Variants in C7orf78 observed in about 807,000 individuals in gnomAD.
C7orf78 encodes the protein chromosome 7 open reading frame 78, also known as putative uncharacterized protein C7orf78.
chr7:12,508,126 C>A, the C7orf78 span, among the ~76,000 whole-genome samples: 1 of 152,130 alleles, frequency 6.6e-6, no homozygotes, highest in South Asian at 2.1e-4. Context: ...ACTGAGAATT[C>A]TAAGTATAAA....
the C7orf78 span, among the ~76,000 whole-genome samples, chr7:12,540,593 C>A: frequency 6.6e-6 from 1 of 152,300 alleles, no homozygotes; most frequent in African/African-American, 2.4e-5. Context: ...TTCAAGATGG[C>A]ACTCCAAAAC....
chr7:12,513,226 C>G, the C7orf78 span, among the ~76,000 whole-genome samples: 2 of 146,722 alleles, frequency 1.4e-5, no homozygotes, highest in African/African-American at 5.0e-5. Flanking sequence ...CTGTCTTTCT[C>G]TCTTTCTTTC....
At chr7:12,518,098 C>T in the C7orf78 span, among the ~76,000 whole-genome samples, 1 of 152,136 alleles carries the variant, frequency 6.6e-6, no homozygotes, top group East Asian at 1.9e-4. Flanking sequence ...TGAATGTGTG[C>T]AGTAGTGTAG....
the C7orf78 span, chr7:12,491,736 A>G: frequency 6.6e-6 from 1 of 152,220 alleles, no homozygotes; most frequent in Admixed American, 6.5e-5. Context: ...CGGATGCAAC[A>G]TGGATCTCAT....
chr7:12,506,120 A>C, the C7orf78 span: 1 of 152,378 alleles, frequency 6.6e-6, no homozygotes, highest in Non-Finnish European at 1.5e-5. Context: ...TAGAATGGCG[A>C]TCATTAAAAA....
the C7orf78 span, among the ~76,000 whole-genome samples, chr7:12,521,673 A>T: frequency 0.017 from 1,161 of 69,982 alleles, 15 homozygotes; most frequent in African/African-American, 0.062. Context: ...CTTAGCTTTC[A>T]TTTTTTATTT....
chr7:12,513,222 T>C, the C7orf78 span, among the ~76,000 whole-genome samples: 1 of 151,834 alleles, frequency 6.6e-6, no homozygotes, highest in Non-Finnish European at 1.5e-5. Flanking sequence ...TCTTCTGTCT[T>C]TCTCTCTTTC....
At chr7:12,507,990 T>C in the C7orf78 span, among the ~76,000 whole-genome samples, 1 of 152,206 alleles carries the variant, frequency 6.6e-6, no homozygotes, top group Non-Finnish European at 1.5e-5. Context: ...CTCTCTTCTT[T>C]TATCAAAAGT....
the C7orf78 span, among the ~76,000 whole-genome samples, chr7:12,517,183 C>T: frequency 1.3e-5 from 2 of 152,074 alleles, no homozygotes; most frequent in Non-Finnish European, 2.9e-5. Context: ...TTCCCCGATA[C>T]TGTTTTTGTG....
At chr7:12,513,538 C>T in the C7orf78 span, among the ~76,000 whole-genome samples, 1 of 152,064 alleles carries the variant, frequency 6.6e-6, no homozygotes, top group African/African-American at 2.4e-5. Flanking sequence ...TGTTTAGTTT[C>T]CATGTATTTG....
chr7:12,513,727 G>A, the C7orf78 span, among the ~76,000 whole-genome samples: 762 of 152,302 alleles, frequency 5.0e-3, 4 homozygotes, highest in Middle Eastern at 0.014. Context: ...TGGGCCGGGC[G>A]CGGTGGCTCA....
chr7:12,516,569 G>C, the C7orf78 span, among the ~76,000 whole-genome samples: 1 of 152,176 alleles, frequency 6.6e-6, no homozygotes, highest in East Asian at 1.9e-4. Context: ...CTGACAGCTT[G>C]CACCATGTGC....
the C7orf78 span, among the ~76,000 whole-genome samples, chr7:12,513,881 T>C: frequency 2.0e-5 from 3 of 152,088 alleles, no homozygotes; most frequent in African/African-American, 7.3e-5. Flanking sequence ...GTGCCTGTAG[T>C]CCCAGCTACT....
the C7orf78 span, among the ~76,000 whole-genome samples, chr7:12,516,611 C>A: frequency 7.9e-5 from 12 of 152,170 alleles, no homozygotes; most frequent in Admixed American, 6.5e-4. Flanking sequence ...AATGCCAGCC[C>A]GTGAAAGCAG....
At chr7:12,527,409 T>C in the C7orf78 span, among the ~76,000 whole-genome samples, 1 of 111,228 alleles carries the variant, frequency 9.0e-6, no homozygotes, top group Non-Finnish European at 1.8e-5. Context: ...AAATGGAACA[T>C]ATCTACTTTC....
the C7orf78 span, chr7:12,523,519 C>T: frequency 2.5e-6 from 1 of 395,808 alleles, no homozygotes; most frequent in Non-Finnish European, 4.5e-6. Context: ...AAAACTATTA[C>T]ATATAGGAAA....
chr7:12,501,241 C>A, the C7orf78 span, among the ~76,000 whole-genome samples: 1 of 145,158 alleles, frequency 6.9e-6, no homozygotes, highest in Non-Finnish European at 1.5e-5. Context: ...GGCAATTAGG[C>A]AGGAGAAGGA....
At chr7:12,526,272 C>T in the C7orf78 span, among the ~76,000 whole-genome samples, 30 of 152,194 alleles carry the variant, frequency 2.0e-4, no homozygotes, top group Non-Finnish European at 3.1e-4. Context: ...ATGATAACAA[C>T]TGAATCTACA....
chr7:12,510,011 G>A, the C7orf78 span, among the ~76,000 whole-genome samples: 4 of 148,520 alleles, frequency 2.7e-5, no homozygotes, highest in African/African-American at 1.0e-4. Context: ...TCCAGCCTGG[G>A]CAACAAGGCC....
Sources: allele counts gnomAD v4.1 joint callset (sites outside exome capture counted in the v4.1 genomes callset), GRCh38; gene constraint gnomAD v4.1.1; transcripts MANE v1.5; gene names NCBI Gene and HGNC (gene_info 2026-07-23, HGNC 2026-07-21).